Variants in KIF1B observed in about 807,000 individuals in gnomAD.
KIF1B encodes kinesin-like protein KIF1B.
In KIF1B, 76 loss-of-function variants were observed where a neutral mutation model predicts 241.9. That is an observed-to-expected ratio of 0.31 (90% confidence interval 0.26 to 0.38). The LOEUF (loss-of-function observed/expected upper bound fraction) is 0.38, where lower values mean the gene tolerates loss of function less well. KIF1B is among the 10% of genes least tolerant of loss of function. KIF1B has a pLI of 1.00. For missense variants in KIF1B, 1,622 were observed against 2,271.4 expected (o/e 0.71, Z 5.81); for synonymous variants, 750 against 796.7 (o/e 0.94, Z 0.99).
chr1:10,309,244 T>G (rs1424727028), intron 22 of KIF1B, among the ~76,000 whole-genome samples: 1 of 152,238 alleles, frequency 6.6e-6, no homozygotes, highest in African/African-American at 2.4e-5. Context: ...TCTGAAACTT[T>G]AGAGAAGTGT....
Position 10,337,654 on chromosome 1 carries a change from C to T in KIF1B, c.3422+121C>T. On this transcript the variant is annotated intron_variant, in intron 31 of 48. Coordinates refer to ENST00000676179, the MANE Select transcript of KIF1B (RefSeq NM_001365951.3). The surrounding 1 kb of genome is among the most constrained non-coding windows in gnomAD (Gnocchi z 4.0). The stretch of plus-strand genomic sequence containing the variant: ...ACTCTTGAGACAAAGACTGATCAGT[C>T]TCTGAAGGAAAATACTTTCATCACT... The T allele has an allele frequency of 8.9e-7, 1 of 1,121,930 alleles. No individual in the cohort carries two copies. The highest frequency in any genetic ancestry group is 1.3e-6 in the Non-Finnish European group (1 of 760,734). The allele number at this position is 1,121,930 out of a possible 1,614,324, so 69.5% of individuals were successfully genotyped here.
chr1:10,244,512 C>G (rs192856302), intron 2 of KIF1B, among the ~76,000 whole-genome samples: 1 of 151,760 alleles, frequency 6.6e-6, no homozygotes, highest in Non-Finnish European at 1.5e-5. Context: ...ACAGGGTTTC[C>G]CCATCTTGAG....
intron 22 of KIF1B, among the ~76,000 whole-genome samples, chr1:10,312,573 C>T (rs1651115413): frequency 6.6e-6 from 1 of 151,554 alleles, no homozygotes; most frequent in Non-Finnish European, 1.5e-5. Context: ...TCCTACCCGT[C>T]TCCCTACTCT....
intron 38 of KIF1B, among the ~76,000 whole-genome samples, chr1:10,355,668 T>G (rs1320322488): frequency 6.6e-6 from 1 of 152,214 alleles, no homozygotes; most frequent in Non-Finnish European, 1.5e-5. Flanking sequence ...CAAAGTAGAA[T>G]GTTTCTCCCT....
chr1:10,324,298 C>T (rs113706502), intron 25 of KIF1B, among the ~76,000 whole-genome samples: 64 of 152,262 alleles, frequency 4.2e-4, no homozygotes, highest in African/African-American at 1.5e-3. Flanking sequence ...TCCATAGACC[C>T]TCTTATAAAT....
chr1:10,277,666 C>T (rs1423228994), intron 12 of KIF1B, among the ~76,000 whole-genome samples: 1 of 152,058 alleles, frequency 6.6e-6, no homozygotes, highest in East Asian at 1.9e-4. Context: ...GAGTAGGTTT[C>T]ATTACTTTAG....
At chr1:10,245,201 T>TA (rs1647193398) in intron 2 of KIF1B, among the ~76,000 whole-genome samples, 1 of 152,208 alleles carries the variant, frequency 6.6e-6, no homozygotes, top group African/African-American at 2.4e-5. Context: ...TAGGGCTCAG[T>TA]AATTAAAGTG....
In KIF1B at chr1:10,374,563, T is replaced by A; in HGVS notation, c.5096+98T>A. ...TCCCTGTGAGGTCTGTACTGTAGTC[T>A]GATGCAATCTGTACTGTAGTCTGAT... On this transcript the variant is annotated intron_variant, in intron 46 of 48. Coordinates refer to ENST00000676179, the MANE Select transcript of KIF1B (RefSeq NM_001365951.3). The surrounding 1 kb of genome is among the most constrained non-coding windows in gnomAD (Gnocchi z 4.3). 1 of 1,353,044 alleles carries A rather than the reference T, an allele frequency of 7.4e-7. No homozygotes were observed. The highest frequency in any genetic ancestry group is 1.2e-5 in the South Asian group (1 of 84,952). 83.8% of individuals were successfully genotyped at this position (1,353,044 alleles called of 1,614,324 possible).
chr1:10,227,408 T>G (rs1201580224), intron 1 of KIF1B, among the ~76,000 whole-genome samples: 1 of 152,220 alleles, frequency 6.6e-6, no homozygotes, highest in African/African-American at 2.4e-5. Context: ...ATTTATTCTG[T>G]AGATTGTTTC....
intron 1 of KIF1B, among the ~76,000 whole-genome samples, chr1:10,215,810 A>G (rs1434765610): frequency 6.6e-6 from 1 of 151,982 alleles, no homozygotes; most frequent in Admixed American, 6.6e-5. Context: ...CAGTCTTCCA[A>G]AGTGGGAGGA....
intron 35 of KIF1B, among the ~76,000 whole-genome samples, chr1:10,347,534 G>T (rs1204279310): frequency 6.6e-6 from 1 of 152,174 alleles, no homozygotes; most frequent in Non-Finnish European, 1.5e-5. Flanking sequence ...ATATCAAGGG[G>T]CTGGATGCAA....
chr1:10,349,048 C>T (rs565282665), intron 37 of KIF1B, among the ~76,000 whole-genome samples: 1 of 152,298 alleles, frequency 6.6e-6, no homozygotes, highest in African/African-American at 2.4e-5. Context: ...CTCTGTATTC[C>T]TGTTTCTTCG....
chr1:10,258,742 A>G (rs1647942147), intron 4 of KIF1B, 70 bp downstream of exon 4: 12 of 1,486,064 alleles, frequency 8.1e-6, no homozygotes, highest in Non-Finnish European at 1.1e-5. Context: ...TTTAACAGTT[A>G]TTTTTATTTG....
At chr1:10,271,321 G>A (rs1300696128) in intron 7 of KIF1B, among the ~76,000 whole-genome samples, 181 bp from the exon 8 acceptor site, 4 of 152,156 alleles carry the variant, frequency 2.6e-5, no homozygotes, top group African/African-American at 4.8e-5. Flanking sequence ...TGCACCTGCC[G>A]TGTGTACTGT....
At chr1:10,272,201 A>C in intron 8 of KIF1B, 40 bp from the exon 9 acceptor site, 1 of 1,169,580 alleles carries the variant, frequency 8.6e-7, no homozygotes. Context: ...GCAGTAGTAG[A>C]AATTCTTCAT....
chr1:10,304,396 G>A (rs1650716191), intron 22 of KIF1B: 2 of 1,614,176 alleles, frequency 1.2e-6, no homozygotes, highest in Non-Finnish European at 1.7e-6. Context: ...TGCCTCCGCG[G>A]AGTCATTAAA....
intron 37 of KIF1B, among the ~76,000 whole-genome samples, chr1:10,349,319 T>C (rs1389265321): frequency 2.0e-5 from 3 of 151,838 alleles, no homozygotes; most frequent in African/African-American, 4.8e-5. Flanking sequence ...CCTGTAGTCT[T>C]GGCTACTCGG....
At chr1:10,221,043 A>C (rs1045911932) in intron 1 of KIF1B, among the ~76,000 whole-genome samples, 11 of 150,898 alleles carry the variant, frequency 7.3e-5, no homozygotes, top group Non-Finnish European at 1.6e-4. Flanking sequence ...ATGTCAGGAG[A>C]CTACTCGTGT....
Position 10,378,165 on chromosome 1 carries a change from C to G in KIF1B, c.*1578C>G. On this transcript the variant is annotated 3_prime_UTR_variant, in exon 49 of 49. Coordinates refer to ENST00000676179, the MANE Select transcript of KIF1B (RefSeq NM_001365951.3). ...TCTGGATCCCAGGATTAAAACTAACCGTGACCACTACTCCAAACAAAACAC... is the reference window on the plus strand; with the variant it reads ...TCTGGATCCCAGGATTAAAACTAACGGTGACCACTACTCCAAACAAAACAC... The G allele has an allele frequency of 1.7e-6, 1 of 603,684 alleles. No homozygotes were observed. The highest frequency in any genetic ancestry group is 2.0e-5 in the South Asian group (1 of 49,750). The allele number at this position is 603,684 out of a possible 1,614,324, so 37.4% of individuals were successfully genotyped here.
Sources: allele counts gnomAD v4.1 joint callset (sites outside exome capture counted in the v4.1 genomes callset), GRCh38; gene constraint gnomAD v4.1.1; non-coding constraint Gnocchi (gnomAD v3.1); transcripts MANE v1.5; gene names NCBI Gene and HGNC (gene_info 2026-07-23, HGNC 2026-07-21).